Variants in CACNA1C observed in about 807,000 individuals in gnomAD.
The protein encoded by CACNA1C is voltage-dependent L-type calcium channel subunit alpha-1C.
In CACNA1C, 30 loss-of-function variants were observed where a neutral mutation model predicts 229.0. The ratio of observed to expected loss-of-function variants is 0.13; its 90% CI spans 0.10 to 0.18. CACNA1C has a LOEUF of 0.18. Ranked by LOEUF, CACNA1C falls within the 10% of genes least tolerant of loss-of-function variation. The pLI, the probability that CACNA1C is intolerant of heterozygous loss-of-function variation, is 1.00. For synonymous variants in CACNA1C, 1,114 were observed against 1,132.5 expected, an observed-to-expected ratio of 0.98 and a Z score of 0.33; for missense variants, 1,658 against 2,845.0, an observed-to-expected ratio of 0.58 and a Z score of 9.49.
chr12:2,160,092 C>T (rs1320436274), intron 3 of CACNA1C, among the ~76,000 whole-genome samples: 2 of 152,210 alleles, frequency 1.3e-5, no homozygotes, highest in Non-Finnish European at 2.9e-5. Flanking sequence ...TAGTTACCAC[C>T]TGCCCTATAC....
intron 3 of CACNA1C, among the ~76,000 whole-genome samples, chr12:2,281,346 A>G (rs900753893): frequency 2.0e-5 from 3 of 152,066 alleles, no homozygotes; most frequent in African/African-American, 7.2e-5. Flanking sequence ...ATATATACTT[A>G]ACCATGTCAG....
At chr12:2,342,302 G>C (rs1407124304) in intron 3 of CACNA1C, among the ~76,000 whole-genome samples, 1 of 152,090 alleles carries the variant, frequency 6.6e-6, no homozygotes, top group Non-Finnish European at 1.5e-5. Flanking sequence ...TCTTTTCCCT[G>C]CCCTGTCTCG....
chr12:2,625,922 C>T (rs904972527), intron 29 of CACNA1C, among the ~76,000 whole-genome samples: 5 of 152,132 alleles, frequency 3.3e-5, no homozygotes, highest in Non-Finnish European at 2.9e-5. Flanking sequence ...TGCAACACTG[C>T]ACTCCAGCCT....
In CACNA1C at chr12:2,047,578, T is replaced by A. The variant is rs181031422; in HGVS notation, c.140-67646T>A. Among the ~76,000 whole-genome samples the A allele has an allele frequency of 4.9e-3, 739 of 152,332 alleles. 8 individuals carry two copies. The highest frequency in any genetic ancestry group is 0.017 in the African/African-American group (712 of 41,560). On this transcript the variant is annotated intron_variant, in intron 1 of 46. Coordinates refer to the CACNA1C transcript ENST00000682462. ...ACTCACCAGGCATATTAAATGATGA[T>A]AATTAGTATGAATTCAACAAACATA... is the stretch of plus-strand genomic sequence containing the variant.
intron 22 of CACNA1C, 123 bp from the exon 23 acceptor site, chr12:2,604,958 A>G: frequency 1.3e-6 from 1 of 742,492 alleles, no homozygotes; most frequent in Non-Finnish European, 2.4e-6. Flanking sequence ...CATCCCCAAG[A>G]TGGGCTTTAT....
At chr12:2,305,334 G>C (rs544045830) in intron 3 of CACNA1C, among the ~76,000 whole-genome samples, 1 of 152,338 alleles carries the variant, frequency 6.6e-6, no homozygotes, top group Non-Finnish European at 1.5e-5. Flanking sequence ...CATGTTCTTA[G>C]GACAAAGCAA....
At chr12:1,979,391 T>C (rs553212508) in intron 1 of CACNA1C, among the ~76,000 whole-genome samples, 7 of 152,320 alleles carry the variant, frequency 4.6e-5, no homozygotes, top group African/African-American at 1.7e-4. Context: ...CTTGGCTCAC[T>C]ACAACCTCCA....
chr12:2,013,115 A>G (rs1480914868), intron 1 of CACNA1C, among the ~76,000 whole-genome samples: 1 of 152,230 alleles, frequency 6.6e-6, no homozygotes, highest in East Asian at 1.9e-4. Context: ...TCTGCAGTCA[A>G]AGAAACCCGT....
chr12:2,306,790 A>G (rs1481611746), intron 3 of CACNA1C, among the ~76,000 whole-genome samples: 1 of 152,194 alleles, frequency 6.6e-6, no homozygotes, highest in African/African-American at 2.4e-5. Context: ...TTGATATGCA[A>G]ATGTCCTTGG....
intron 1 of CACNA1C, among the ~76,000 whole-genome samples, chr12:2,013,868 T>C (rs543809470): frequency 5.6e-4 from 86 of 152,326 alleles, no homozygotes; most frequent in Non-Finnish European, 9.8e-4. Flanking sequence ...ACTTTAAGTG[T>C]TTTGATGTAA....
Position 2,608,828 on chromosome 12 carries a change from T to A in CACNA1C, c.3558+116T>A. The A allele has an allele frequency of 3.1e-6, 3 of 977,802 alleles. No homozygotes were observed. The highest frequency in any genetic ancestry group is 4.6e-6 in the Non-Finnish European group (3 of 654,760). The allele number at this position is 977,802 out of a possible 1,614,324, so 60.6% of individuals were successfully genotyped here. A position where few individuals can be genotyped will look rare whatever the true frequency, so the allele number is the denominator to read the frequency against. ...AGGCCGTGCAGATACTGAGATCGTCTCTCTATTCCTCAACCAGAGTGGGCT... is the reference window on the plus strand; with the variant it reads ...AGGCCGTGCAGATACTGAGATCGTCACTCTATTCCTCAACCAGAGTGGGCT... On this transcript the variant is annotated intron_variant, in intron 27 of 46. Coordinates refer to ENST00000399655, the MANE Select transcript of CACNA1C (RefSeq NM_000719.7). This position sits in a 1 kb window ranked among gnomAD's most constrained non-coding sequence, Gnocchi z 4.2.
At chr12:2,217,554 T>C (rs2060295110) in intron 3 of CACNA1C, 1 of 152,238 alleles carries the variant, frequency 6.6e-6, no homozygotes, top group African/African-American at 2.4e-5. Flanking sequence ...AGATGTATTC[T>C]TTCTCTGCAT....
At chr12:2,535,704 T>TAAA (rs758857733) in intron 9 of CACNA1C, among the ~76,000 whole-genome samples, 11 of 36,562 alleles carry the variant, frequency 3.0e-4, no homozygotes, top group South Asian at 1.5e-3. Flanking sequence ...AGACCCTGTC[T>TAAA]AAAAAAAAAA....
chr12:2,089,352 T>C (rs923839960), intron 1 of CACNA1C, among the ~76,000 whole-genome samples: 3 of 152,192 alleles, frequency 2.0e-5, no homozygotes, highest in Non-Finnish European at 4.4e-5. Flanking sequence ...AACACACTTT[T>C]GAAATATTAA....
At chr12:2,375,368 T>G (rs918450720) in intron 3 of CACNA1C, among the ~76,000 whole-genome samples, 48 of 152,316 alleles carry the variant, frequency 3.2e-4, no homozygotes, top group Admixed American at 2.8e-3. Flanking sequence ...GTGTCGTGGC[T>G]CAGCAGAACA....
At chr12:2,312,044 G>A (rs1276464074) in intron 3 of CACNA1C, among the ~76,000 whole-genome samples, 10 of 152,160 alleles carry the variant, frequency 6.6e-5, no homozygotes, top group Non-Finnish European at 1.3e-4. Context: ...TAATACAAGA[G>A]GGTGAAGTTC....
chr12:2,485,285 A>C (rs1280283992), intron 5 of CACNA1C, among the ~76,000 whole-genome samples: 2 of 151,762 alleles, frequency 1.3e-5, no homozygotes, highest in African/African-American at 4.8e-5. Context: ...CAGGAATCTC[A>C]CACGTGACTT....
Position 2,346,098 on chromosome 12 carries a change from TC to T in CACNA1C, c.478-102874del, listed in dbSNP as rs2097008548. ...GTGTTCCATTTAGAACCGCTGAAGC[TC>T]CCCAGGTGCACCAGGAGCCTTCCCA... On this transcript the variant is annotated intron_variant, in intron 3 of 46. Transcript: ENST00000399655. The surrounding 1 kb of genome is among the most constrained non-coding windows in gnomAD (Gnocchi z 4.4). Among the ~76,000 whole-genome samples, 2 of 152,034 alleles carry T rather than the reference TC, an allele frequency of 1.3e-5. No homozygotes were observed. Among genetic ancestry groups the T allele is most frequent in the Non-Finnish European group, 2.9e-5 (2 of 67,986 alleles).
At chr12:2,303,120 C>T (rs1369250297) in intron 3 of CACNA1C, among the ~76,000 whole-genome samples, 1 of 152,256 alleles carries the variant, frequency 6.6e-6, no homozygotes, top group Non-Finnish European at 1.5e-5. Context: ...GATGTGGTTG[C>T]ATGCTGGAGC....
Sources: gnomAD v4.1 joint callset for allele counts (sites outside exome capture counted in the v4.1 genomes callset) on GRCh38, gnomAD v4.1.1 for gene constraint, Gnocchi (gnomAD v3.1) non-coding constraint, MANE v1.5 for transcripts, NCBI Gene and HGNC (gene_info 2026-07-23, HGNC 2026-07-21) for gene names.